MAGI2: variants seen among roughly 807,000 people sequenced by gnomAD.
MAGI2 encodes membrane-associated guanylate kinase, WW and PDZ domain-containing protein 2.
In MAGI2, 35 loss-of-function variants were observed where a neutral mutation model predicts 133.3. The ratio of observed to expected loss-of-function variants is 0.26; its 90% confidence interval spans 0.20 to 0.35. The LOEUF (loss-of-function observed/expected upper bound fraction) is 0.35, where lower values mean the gene tolerates loss of function less well. Among genes scored for constraint, MAGI2 ranks in the 10% least tolerant of loss-of-function variants. The pLI, the probability that MAGI2 is intolerant of heterozygous loss-of-function variation, is 1.00. For synonymous variants in MAGI2, 729 were observed against 710.6 expected (o/e 1.03, Z -0.41); for missense variants, 1,636 against 1,863.4 (o/e 0.88, Z 2.25).
chr7:79,298,481 G>C (rs550654355), intron 1 of MAGI2, among the ~76,000 whole-genome samples: 2 of 152,182 alleles, frequency 1.3e-5, no homozygotes, highest in Admixed American at 1.3e-4. Context: ...AAACCTGCCA[G>C]TGTTCTTATA....
intron 19 of MAGI2, among the ~76,000 whole-genome samples, chr7:78,126,988 ATTTATTG>A (rs1821050181): frequency 6.6e-6 from 1 of 152,206 alleles, no homozygotes; most frequent in Admixed American, 6.5e-5. Context: ...ATCCATATTT[ATTTATTG>A]TCCTGCTTTA....
chr7:78,573,284 T>TTTA (rs1563188898), intron 3 of MAGI2, among the ~76,000 whole-genome samples: 547 of 26,844 alleles, frequency 0.02, 13 homozygotes, highest in East Asian at 0.043. Flanking sequence ...ATATATATAT[T>TTTA]TATATAAATA....
At chr7:79,276,451 C>T (rs908293194) in intron 1 of MAGI2, among the ~76,000 whole-genome samples, 4 of 152,136 alleles carry the variant, frequency 2.6e-5, no homozygotes, top group African/African-American at 9.7e-5. Flanking sequence ...TTAATTATAA[C>T]TTTCTGAAGG....
intron 1 of MAGI2, chr7:79,412,757 C>G (rs531469367): frequency 1.3e-5 from 2 of 152,242 alleles, no homozygotes; most frequent in South Asian, 4.1e-4. Flanking sequence ...ACTCAGCCTC[C>G]TCATCTGTAT....
At chr7:79,367,858 C>CACACACACACACACACACACACACAA in intron 1 of MAGI2, among the ~76,000 whole-genome samples, 1 of 87,114 alleles carries the variant, frequency 1.1e-5, no homozygotes. Context: ...ATATATGTGA[C>CACACACACACACACACACACACACAA]ATATATATAT....
chr7:79,377,665 C>G (rs533072192), intron 1 of MAGI2, among the ~76,000 whole-genome samples: 27 of 151,738 alleles, frequency 1.8e-4, no homozygotes, highest in Admixed American at 1.4e-3. Flanking sequence ...AAATTTGAAC[C>G]AATGTAACAG....
chr7:79,412,268 T>G (rs1772115882), intron 1 of MAGI2: 2 of 152,088 alleles, frequency 1.3e-5, no homozygotes, highest in African/African-American at 2.4e-5. Flanking sequence ...TGTTGTACAG[T>G]AGTATTTCCA....
chr7:79,027,536 T>C (rs2116761726), intron 1 of MAGI2, among the ~76,000 whole-genome samples: 1 of 151,976 alleles, frequency 6.6e-6, no homozygotes, highest in South Asian at 2.1e-4. Context: ...AGAATGGTGG[T>C]TGGGAATGAA....
chr7:78,727,622 C>A (rs982328245), intron 2 of MAGI2, among the ~76,000 whole-genome samples: 1 of 152,152 alleles, frequency 6.6e-6, no homozygotes, highest in African/African-American at 2.4e-5. Flanking sequence ...ATGGAAGTCA[C>A]AACATGAAGG....
intron 1 of MAGI2, among the ~76,000 whole-genome samples, chr7:79,133,668 A>G (rs1821132551): frequency 6.6e-6 from 1 of 152,334 alleles, no homozygotes; most frequent in South Asian, 2.1e-4. Flanking sequence ...ACCAAAATCC[A>G]TTATATCCCA....
At chr7:79,101,585 G>T (rs959185529) in intron 1 of MAGI2, among the ~76,000 whole-genome samples, 1 of 151,882 alleles carries the variant, frequency 6.6e-6, no homozygotes, top group Non-Finnish European at 1.5e-5. Flanking sequence ...TTAGGCAGGC[G>T]TGGTGGCGGG....
chr7:78,282,765 A>C (rs1461225548), intron 9 of MAGI2, among the ~76,000 whole-genome samples: 6 of 152,136 alleles, frequency 3.9e-5, no homozygotes, highest in Admixed American at 3.9e-4. Context: ...TAAGATATTT[A>C]GCTAGAAAAC....
At chr7:78,476,297 C>T (rs1584310985) in intron 6 of MAGI2, among the ~76,000 whole-genome samples, 2 of 151,686 alleles carry the variant, frequency 1.3e-5, no homozygotes, top group East Asian at 3.9e-4. Context: ...GTAAATCAGC[C>T]TCAAAGGAAA....
chr7:78,750,899 C>CA (rs968504467), intron 2 of MAGI2, among the ~76,000 whole-genome samples: 3 of 152,066 alleles, frequency 2.0e-5, no homozygotes, highest in Non-Finnish European at 4.4e-5. Context: ...TAAAGAAACA[C>CA]AAAAGTATTT....
In MAGI2 at chr7:79,367,328, A is replaced by G. The variant is rs984762597; in HGVS notation, c.301+85692T>C. On this transcript the variant is annotated intron_variant, in intron 1 of 21. Coordinates refer to ENST00000354212, the MANE Select transcript of MAGI2 (RefSeq NM_012301.4). ...GACTTTTTAATCAGTGGAAAGTCCT[A>G]TTCAGGGAGAGAATCTTAATGCATC... 5.3e-5 allele frequency among the ~76,000 whole-genome samples: 8 copies of G among 152,240 alleles called. 1 individual carries two copies. The highest frequency in any genetic ancestry group is 1.9e-4 in the African/African-American group (8 of 41,460).
chr7:78,575,845 TG>T (rs367947413), intron 3 of MAGI2, among the ~76,000 whole-genome samples: 54 of 152,282 alleles, frequency 3.5e-4, no homozygotes, highest in African/African-American at 1.3e-3. Context: ...TTATATGTAA[TG>T]TGGTATCCTG....
At chr7:78,300,560 C>T (rs1043837560) in intron 9 of MAGI2, among the ~76,000 whole-genome samples, 1 of 152,088 alleles carries the variant, frequency 6.6e-6, no homozygotes. Context: ...TAATATCAAG[C>T]CCATTCACAG....
intron 2 of MAGI2, among the ~76,000 whole-genome samples, chr7:78,709,466 G>C (rs1440649270): frequency 6.6e-6 from 1 of 152,108 alleles, no homozygotes; most frequent in Non-Finnish European, 1.5e-5. Context: ...AGCTTTCTTA[G>C]ACATCTCTGG....
chr7:78,974,679 A>G (rs999312463), intron 2 of MAGI2, among the ~76,000 whole-genome samples: 14 of 151,776 alleles, frequency 9.2e-5, no homozygotes, highest in Non-Finnish European at 2.1e-4. Context: ...AATCTCATTT[A>G]TCTTCCTATT....
Sources: gnomAD v4.1 joint callset for allele counts (sites outside exome capture counted in the v4.1 genomes callset) on GRCh38, gnomAD v4.1.1 for gene constraint, MANE v1.5 for transcripts, NCBI Gene and HGNC (gene_info 2026-07-23, HGNC 2026-07-21) for gene names.